XPO5: variants seen among roughly 807,000 people sequenced by gnomAD.
XPO5 encodes the protein exportin 5.
In XPO5, 46 loss-of-function variants were observed where a neutral mutation model predicts 160.6. That is an observed-to-expected ratio of 0.29 (90% confidence interval 0.23 to 0.37). XPO5 has a LOEUF of 0.37. Among genes scored for constraint, XPO5 ranks in the 10% least tolerant of loss-of-function variants. The probability of loss-of-function intolerance (pLI) is 1.00; values close to 1 mark genes in which losing one functional copy is unlikely to be tolerated. For synonymous variants in XPO5, 537 were observed against 519.3 expected, an observed-to-expected ratio of 1.03 and a Z score of -0.46; for missense variants, 1,090 against 1,463.9, an observed-to-expected ratio of 0.74 and a Z score of 4.17.
Position 43,530,129 on chromosome 6 carries a change from C to T in XPO5, c.2677+559G>A, listed in dbSNP as rs577257667. ...AAAATTAGCTGGGCGTAGTAGCATG[C>T]GCCTGTAATCCCAGCTACTTGGGAG... On this transcript the variant is annotated intron_variant, in intron 23 of 31. Transcript: ENST00000265351. Among the ~76,000 whole-genome samples the T allele has an allele frequency of 6.6e-5, 10 of 152,174 alleles. 1 individual carries two copies. The South Asian group carries it at 2.1e-3, about 32-fold the overall frequency.
intron 28 of XPO5, 184 bp from the exon 29 acceptor site, chr6:43,525,398 G>A (rs919308224): frequency 1.5e-5 from 9 of 608,954 alleles, no homozygotes; most frequent in Non-Finnish European, 2.0e-5. Context: ...TAAGCCTCCC[G>A]AATAGCTGGG....
Position 43,528,274 on chromosome 6 carries a change from A to C in XPO5, c.2776-69T>G, listed in dbSNP as rs1793724595. ...ATTGGAACACATAATATCTAAAGTC[A>C]AGTCCACTTCATGATTAAAATTAGC... On this transcript the variant is annotated intron_variant, in intron 24 of 31. Coordinates refer to ENST00000265351, the MANE Select transcript of XPO5 (RefSeq NM_020750.3). The C allele has an allele frequency of 8.8e-6, 13 of 1,469,122 alleles. No individual in the cohort carries two copies. In the South Asian group the frequency reaches 1.6e-4, roughly 18 times the overall value. The allele number at this position is 1,469,122 out of a possible 1,614,324, so 91.0% of individuals were successfully genotyped here.
rs374635334 is a variant in XPO5, at chr6:43,570,962, A to G, written c.333T>C (p.His111=). 6.3e-5 allele frequency: 101 copies of G among 1,613,692 alleles called. 1 individual carries two copies. In the African/African-American group the frequency reaches 1.2e-3, roughly 19 times the overall value. ...CAATTCGAGACAGAGCATCTTTAAT[A>G]TGGTTCTCCTCTTCCAAAATGTTCA... ...GTLNILEEEN[H]IKDALSRIVV... Residue 111 remains histidine (H), a synonymous_variant, in exon 4 of 32, where the codon CAT becomes CAC. Coordinates refer to ENST00000265351, the MANE Select transcript of XPO5 (RefSeq NM_020750.3).
chr6:43,528,047 C>T, intron 25 of XPO5, 112 bp downstream of exon 25: 1 of 1,122,692 alleles, frequency 8.9e-7, no homozygotes, highest in Non-Finnish European at 1.3e-6. Flanking sequence ...AGAATGACTA[C>T]AACCTACTGC....
chr6:43,536,924 TAG>T (rs1042455185), intron 20 of XPO5, among the ~76,000 whole-genome samples: 1 of 151,972 alleles, frequency 6.6e-6, no homozygotes, highest in African/African-American at 2.4e-5. Flanking sequence ...CAACTCTGCA[TAG>T]AAAGCCAACT....
In XPO5 at chr6:43,558,609, A is replaced by G. The variant is rs1561881572; in HGVS notation, c.1222-18T>C. 6.4e-7 allele frequency: 1 copy of G among 1,560,058 alleles called. No homozygotes were observed. On this transcript the variant is annotated intron_variant, in intron 11 of 31. Coordinates refer to ENST00000265351, the MANE Select transcript of XPO5 (RefSeq NM_020750.3). ...AAGCCCATCTGGAAAAAGAAAGGTA[A>G]TTGGGGTAGGGGATGAAAGTGGACC...
intron 3 of XPO5, 142 bp from the exon 4 acceptor site, chr6:43,571,136 C>T (rs1762986921): frequency 3.5e-6 from 3 of 852,332 alleles, no homozygotes; most frequent in Admixed American, 2.7e-5. Context: ...GTTCTTCAGC[C>T]TGAGTCACTT....
At chr6:43,535,580 C>G (rs913587361) in intron 20 of XPO5, among the ~76,000 whole-genome samples, 1 of 151,746 alleles carries the variant, frequency 6.6e-6, no homozygotes, top group Non-Finnish European at 1.5e-5. Context: ...AGAGGCCGGG[C>G]GCGGTGGATC....
In XPO5 at chr6:43,575,776, C is replaced by T. The variant is rs776484363; in HGVS notation, c.89G>A (p.Arg30Gln). The T allele has an allele frequency of 3.1e-6, 5 of 1,613,474 alleles. No homozygotes were observed. The highest frequency in any genetic ancestry group is 1.1e-5 in the South Asian group (1 of 91,056). The change falls in exon 1 of 32, where the codon CGG becomes CAG. Residue 30 changes from arginine to glutamine, a missense_variant. By Grantham distance (43) the Arg-to-Gln change is conservative. Transcript: ENST00000265351. Reference sequence around the variant, plus strand: ...CCCAGCTACCTTGAGGGCTTCCAGCCGGTAGCGCTGGGTGGAGTTGGGGTC... The same window carrying T: ...CCCAGCTACCTTGAGGGCTTCCAGCTGGTAGCGCTGGGTGGAGTTGGGGTC... Reference protein sequence around the residue: ...MMDPNSTQRYRLEALKFCEEF... With the variant: ...MMDPNSTQRYQLEALKFCEEF...
chr6:43,572,680 T>C (rs1358120704), intron 2 of XPO5, 102 bp from the exon 3 acceptor site: 17 of 1,236,670 alleles, frequency 1.4e-5, no homozygotes, highest in Non-Finnish European at 2.0e-5. Context: ...GGAGATTTCA[T>C]TAAGAAATTA....
At chr6:43,538,709 G>A (rs1485105590) in intron 20 of XPO5, 4 of 474,732 alleles carry the variant, frequency 8.4e-6, no homozygotes, top group Non-Finnish European at 1.5e-5. Flanking sequence ...TACTGTTAAT[G>A]TCTGGTTTTG....
At chr6:43,527,794 C>T (rs1043410101) in intron 25 of XPO5, 63 bp from the exon 26 acceptor site, 10 of 1,562,664 alleles carry the variant, frequency 6.4e-6, no homozygotes, top group African/African-American at 5.4e-5. Flanking sequence ...AGGAAAGCAG[C>T]GACCCTAATC....
rs35322286 is a variant in XPO5, at chr6:43,570,003, C to CTTTT, written c.621+495_621+498dup. Among the ~76,000 whole-genome samples the CTTTT allele has an allele frequency of 2.8e-3, 235 of 85,366 alleles. 4 individuals carry two copies. Among genetic ancestry groups the CTTTT allele is most frequent in the African/African-American group, 0.01 (217 of 21,148 alleles). 56.0% of individuals were successfully genotyped at this position (85,366 alleles called of 152,430 possible). A position where few individuals can be genotyped will look rare whatever the true frequency, so the allele number is the denominator to read the frequency against. On this transcript the variant is annotated intron_variant, in intron 5 of 31. Coordinates refer to ENST00000265351, the MANE Select transcript of XPO5 (RefSeq NM_020750.3). ...GGCTGCAGTAAGCCGAGATCCCTAT[C>CTTTT]TTTTTTTTTTTTTTTTTTTTTTTTT...
At chr6:43,549,852 C>T in intron 16 of XPO5, 41 bp downstream of exon 16, 1 of 1,570,990 alleles carries the variant, frequency 6.4e-7, no homozygotes. Context: ...TACATTTGTA[C>T]TCAAGAAGTT....
At chr6:43,551,167 G>A (rs1225036779) in intron 15 of XPO5, 131 bp downstream of exon 15, 6 of 917,818 alleles carry the variant, frequency 6.5e-6, no homozygotes, top group African/African-American at 1.7e-5. Context: ...GAGGTGTGAG[G>A]ATCCCTTGAG....
At chr6:43,534,078 T>G in intron 20 of XPO5, 71 bp from the exon 21 acceptor site, 1 of 1,214,626 alleles carries the variant, frequency 8.2e-7, no homozygotes, top group Middle Eastern at 2.0e-4. Flanking sequence ...TTGCTTGTAA[T>G]CCAGTGATAC....
At chr6:43,573,344 A>G (rs1763108731) in intron 2 of XPO5, 136 bp downstream of exon 2, 5 of 1,195,296 alleles carry the variant, frequency 4.2e-6, no homozygotes, top group Non-Finnish European at 5.7e-6. Context: ...TGAGGTTCTG[A>G]TAACATCTAG....
Position 43,524,124 on chromosome 6 carries a change from G to T in XPO5, c.3478-119C>A, listed in dbSNP as rs191431762. 13 of 1,421,692 alleles carry T rather than the reference G, an allele frequency of 9.1e-6. No individual in the cohort carries two copies. In the East Asian group the frequency reaches 3.2e-4, roughly 35 times the overall value. 88.1% of individuals were successfully genotyped at this position (1,421,692 alleles called of 1,614,324 possible). ...CCAACACTTTTGGGAGGCCAAGGCG[G>T]GTGGATCACCTGAGGTCAGGAGTTC... On this transcript the variant is annotated intron_variant, in intron 31 of 31. Transcript: ENST00000265351.
chr6:43,543,960 A>C (rs149149848), intron 20 of XPO5, among the ~76,000 whole-genome samples: 1,906 of 152,290 alleles, frequency 0.013, 42 homozygotes, highest in African/African-American at 0.044. Flanking sequence ...TATAGGCATG[A>C]GCTACCGCGC....
Sources: gnomAD v4.1 joint callset for allele counts (sites outside exome capture counted in the v4.1 genomes callset) on GRCh38, gnomAD v4.1.1 for gene constraint, MANE v1.5 for transcripts, NCBI Gene and HGNC (gene_info 2026-07-23, HGNC 2026-07-21) for gene names.